Variants in ENTHD1 observed in about 807,000 individuals in gnomAD.
ENTHD1 encodes the protein ENTH domain-containing protein 1.
Under a neutral mutation model 39.1 loss-of-function variants are expected in ENTHD1, and 23 were observed. That is an observed-to-expected ratio of 0.59 (90% CI 0.42 to 0.83). The LOEUF (loss-of-function observed/expected upper bound fraction) is 0.83, where lower values mean the gene tolerates loss of function less well. ENTHD1 is among the 40% of genes least tolerant of loss of function. ENTHD1 has a pLI of 0.00. For missense variants in ENTHD1, 624 were observed against 705.4 expected, an observed-to-expected ratio of 0.88 and a Z score of 1.31; for synonymous variants, 230 against 258.2, an observed-to-expected ratio of 0.89 and a Z score of 1.05.
At chr22:39,876,128 A>C in intron 2 of ENTHD1, 2 of 1,577,280 alleles carry the variant, frequency 1.3e-6, no homozygotes, top group South Asian at 2.4e-5. Context: ...ACTTGGACTC[A>C]AGTCATAGGC....
intron 5 of ENTHD1, among the ~76,000 whole-genome samples, chr22:39,808,258 A>G (rs2065659420): frequency 6.6e-6 from 1 of 152,128 alleles, no homozygotes; most frequent in Non-Finnish European, 1.5e-5. Flanking sequence ...TGCTGTCCTA[A>G]GGCAGGGTTA....
intron 5 of ENTHD1, among the ~76,000 whole-genome samples, chr22:39,812,011 C>CAA (rs764508128): frequency 3.2e-4 from 9 of 28,552 alleles, no homozygotes; most frequent in African/African-American, 9.7e-4. Flanking sequence ...AACAAACAAA[C>CAA]AAACAAAAAA....
chr22:39,743,675 A>G lies in ENTHD1; in HGVS notation c.*4T>C. The G allele has an allele frequency of 6.3e-7, 1 of 1,579,884 alleles. No individual in the cohort carries two copies. Among genetic ancestry groups the G allele is most frequent in the Non-Finnish European group, 8.6e-7 (1 of 1,163,778 alleles). On this transcript the variant is annotated 3_prime_UTR_variant, in exon 7 of 7. Coordinates refer to ENST00000325157, the MANE Select transcript of ENTHD1 (RefSeq NM_152512.4). Reference sequence around the variant, plus strand: ...AGTTCTATCAAAAATAGATATTGTGATGATTAGATCTGATCTGAGCTCCCC... The same window carrying G: ...AGTTCTATCAAAAATAGATATTGTGGTGATTAGATCTGATCTGAGCTCCCC...
chr22:39,745,033 TAGA>T (rs1004450651), intron 6 of ENTHD1, among the ~76,000 whole-genome samples: 1 of 152,214 alleles, frequency 6.6e-6, no homozygotes, highest in African/African-American at 2.4e-5. Flanking sequence ...CTTCAGATGT[TAGA>T]AGATGTTTTG....
chr22:39,889,512 C>T (rs962805744), intron 1 of ENTHD1, among the ~76,000 whole-genome samples: 15 of 152,270 alleles, frequency 9.9e-5, no homozygotes, highest in Admixed American at 3.3e-4. Flanking sequence ...CCAGACCCAA[C>T]GAAACCTAGA....
In ENTHD1 at chr22:39,821,000, C is replaced by T. The variant is rs775761712; in HGVS notation, c.825G>A (p.Ser275=). The part of the protein sequence containing the change: ...LSEAEEVCNL[S]GADAVPTLSE... ...ATTCCTTAACCAATTTACCTGCACCCGAAAGATTACAAACTTCTTCTGCTT... is the reference window on the plus strand; with the variant it reads ...ATTCCTTAACCAATTTACCTGCACCTGAAAGATTACAAACTTCTTCTGCTT... Residue 275 remains serine (S), a synonymous_variant, in exon 5 of 7, where the codon TCG becomes TCA. Coordinates refer to ENST00000325157, the MANE Select transcript of ENTHD1 (RefSeq NM_152512.4). 1.2e-5 allele frequency: 19 copies of T among 1,613,702 alleles called. No homozygotes were observed. The highest frequency in any genetic ancestry group is 3.3e-4 in the Middle Eastern group (2 of 6,084).
intron 5 of ENTHD1, among the ~76,000 whole-genome samples, chr22:39,774,086 C>T (rs952946511): frequency 3.3e-5 from 5 of 152,266 alleles, no homozygotes; most frequent in Admixed American, 2.0e-4. Context: ...GGCTGGCAGA[C>T]GTCTTGACAG....
intron 5 of ENTHD1, among the ~76,000 whole-genome samples, chr22:39,805,878 G>A (rs1019859446): frequency 2.0e-5 from 3 of 151,924 alleles, no homozygotes; most frequent in Non-Finnish European, 4.4e-5. Flanking sequence ...TGAAAATATT[G>A]TGTCCACAAC....
intron 5 of ENTHD1, among the ~76,000 whole-genome samples, chr22:39,771,887 G>T (rs973221636): frequency 2.6e-5 from 4 of 152,166 alleles, no homozygotes; most frequent in Admixed American, 2.0e-4. Flanking sequence ...TGGAAAGTTG[G>T]ATCTTTGGGA....
At chr22:39,794,735 C>T (rs1297220154) in intron 5 of ENTHD1, among the ~76,000 whole-genome samples, 1 of 149,766 alleles carries the variant, frequency 6.7e-6, no homozygotes, top group African/African-American at 2.5e-5. Flanking sequence ...ACCTGGGAGG[C>T]AGAGCTTGCA....
intron 1 of ENTHD1, among the ~76,000 whole-genome samples, chr22:39,891,836 T>TC (rs1341501579): frequency 1.3e-5 from 2 of 151,932 alleles, no homozygotes; most frequent in Non-Finnish European, 2.9e-5. Flanking sequence ...ACCAGGGTGG[T>TC]CTTGAACTCC....
At chr22:39,786,282 G>A (rs751993153) in intron 5 of ENTHD1, among the ~76,000 whole-genome samples, 7 of 152,012 alleles carry the variant, frequency 4.6e-5, no homozygotes, top group African/African-American at 7.2e-5. Context: ...ATATATTTAC[G>A]GTGTACAATG....
At chr22:39,810,957 T>G (rs1265848862) in intron 5 of ENTHD1, among the ~76,000 whole-genome samples, 1 of 152,226 alleles carries the variant, frequency 6.6e-6, no homozygotes, top group African/African-American at 2.4e-5. Flanking sequence ...CTTAAATCTC[T>G]TGATGTCTGT....
chr22:39,812,676 G>A (rs1969107316), intron 5 of ENTHD1, among the ~76,000 whole-genome samples: 1 of 152,238 alleles, frequency 6.6e-6, no homozygotes, highest in Non-Finnish European at 1.5e-5. Context: ...GGCTGCCACA[G>A]ATGCGGAGCA....
chr22:39,840,055 CACA>C (rs1488767864), intron 3 of ENTHD1, among the ~76,000 whole-genome samples: 1 of 152,150 alleles, frequency 6.6e-6, no homozygotes, highest in African/African-American at 2.4e-5. Flanking sequence ...TTGGTAATTA[CACA>C]ACATTTATTT....
intron 3 of ENTHD1, among the ~76,000 whole-genome samples, chr22:39,848,548 G>A (rs1047419949): frequency 1.3e-5 from 2 of 152,198 alleles, no homozygotes; most frequent in South Asian, 2.1e-4. Flanking sequence ...CACAGCGCCC[G>A]GCCAACTCTC....
chr22:39,807,985 TCAG>T lies in ENTHD1; in HGVS notation c.832+13005_832+13007del. Reference sequence around the variant, plus strand: ...TCACAGTCAAAAGGTTTGAAACACATCAGCGTAGGCTCTGGGGTTACACCAGCA... The same window carrying T: ...TCACAGTCAAAAGGTTTGAAACACATCGTAGGCTCTGGGGTTACACCAGCA... On this transcript the variant is annotated intron_variant, in intron 5 of 6. Transcript: ENST00000325157. Among the ~76,000 whole-genome samples the T allele has an allele frequency of 2.0e-5, 3 of 152,010 alleles. No individual in the cohort carries two copies. In the Middle Eastern group the frequency reaches 0.01, roughly 517 times the overall value.
rs1555925636 is a variant in ENTHD1, at chr22:39,784,578, A to ACACACT, written c.833-18975_833-18970dup. On this transcript the variant is annotated intron_variant, in intron 5 of 6. Transcript: ENST00000325157. ...CACACACACACACACACACACACACACACACTAGAATATTCAGCCATAAAA... is the reference window on the plus strand; with the variant it reads ...CACACACACACACACACACACACACACACACTCACACTAGAATATTCAGCCATAAAA... 6.5e-4 allele frequency among the ~76,000 whole-genome samples: 98 copies of ACACACT among 151,464 alleles called. 2 individuals are homozygous for ACACACT. Among genetic ancestry groups the ACACACT allele is most frequent in the African/African-American group, 2.3e-3 (95 of 41,206 alleles).
intron 5 of ENTHD1, among the ~76,000 whole-genome samples, chr22:39,779,368 A>C (rs1241832539): frequency 2.0e-5 from 3 of 152,104 alleles, no homozygotes; most frequent in Non-Finnish European, 2.9e-5. Context: ...AAAACCAAAA[A>C]CAAAAAACAA....
Sources: allele counts gnomAD v4.1 joint callset (sites outside exome capture counted in the v4.1 genomes callset), GRCh38; gene constraint gnomAD v4.1.1; transcripts MANE v1.5; gene names NCBI Gene and HGNC (gene_info 2026-07-23, HGNC 2026-07-21).